Variants in MUSK observed in about 807,000 individuals in gnomAD.
MUSK encodes the protein muscle associated receptor tyrosine kinase.
A neutral mutation model predicts 88.7 loss-of-function variants in MUSK; 55 were observed. That is an observed-to-expected ratio of 0.62 (90% CI 0.50 to 0.78). The LOEUF (loss-of-function observed/expected upper bound fraction) is 0.78. MUSK is among the 30% of genes least tolerant of loss of function. The probability of loss-of-function intolerance (pLI) is 0.00; values close to 1 mark genes in which losing one functional copy is unlikely to be tolerated. For synonymous variants in MUSK, 387 were observed against 391.9 expected (o/e 0.99, Z 0.15); for missense variants, 1,015 against 1,074.3 (o/e 0.94, Z 0.77).
chr9:110,687,234 TG>T lies in MUSK; in HGVS notation c.325del (p.Val109TrpfsTer9). 1 of 1,613,842 alleles carries T rather than the reference TG, an allele frequency of 6.2e-7. No homozygotes were observed. Among genetic ancestry groups the T allele is most frequent in the African/African-American group, 1.3e-5 (1 of 75,032 alleles). Reference protein sequence around the residue: ...CTANNGVGGAVESCGALQVKM... With the variant: ...CTANNGVGGAXESCGALQVKM... ...CGGCCAACAATGGTGTGGGAGGAGC[TG>T]TGGAGAGTTGTGGAGCCCTGCAAGT... On this transcript the variant is annotated frameshift_variant, in exon 3 of 15. Transcript: ENST00000374448. LOFTEE classifies it high-confidence loss of function.
At chr9:110,768,145 G>T in intron 9 of MUSK, 62 bp downstream of exon 9, 1 of 1,486,692 alleles carries the variant, frequency 6.7e-7, no homozygotes, top group Non-Finnish European at 9.1e-7. Context: ...AACAGAAGGA[G>T]TTTTTGAAAA....
At chr9:110,681,313 T>C (rs1480712659) in intron 1 of MUSK, among the ~76,000 whole-genome samples, 1 of 148,426 alleles carries the variant, frequency 6.7e-6, no homozygotes, top group Admixed American at 7.1e-5. Context: ...CTACTATGTT[T>C]CAACTTTTTT....
chr9:110,710,172 A>G (rs1219531958), intron 5 of MUSK, among the ~76,000 whole-genome samples: 1 of 152,096 alleles, frequency 6.6e-6, no homozygotes, highest in Non-Finnish European at 1.5e-5. Flanking sequence ...TCTTTTTAAT[A>G]TTTATGTTGT....
At chr9:110,755,947 TATACAC>T (rs1453815417) in intron 7 of MUSK, among the ~76,000 whole-genome samples, 2 of 86,396 alleles carry the variant, frequency 2.3e-5, no homozygotes, top group South Asian at 4.1e-4. Flanking sequence ...TATATATATA[TATACAC>T]ATATATATAT....
intron 3 of MUSK, among the ~76,000 whole-genome samples, chr9:110,693,052 A>G (rs1034613923): frequency 9.9e-5 from 15 of 152,170 alleles, no homozygotes; most frequent in African/African-American, 3.4e-4. Flanking sequence ...ATCTGCCTAT[A>G]TGCAGGCTTC....
chr9:110,776,984 A>G (rs1365845144), intron 11 of MUSK, among the ~76,000 whole-genome samples: 1 of 152,166 alleles, frequency 6.6e-6, no homozygotes, highest in Non-Finnish European at 1.5e-5. Context: ...TTCTTGATTC[A>G]GTATAATCTA....
At chr9:110,768,751 A>G (rs2077524064) in intron 9 of MUSK, among the ~76,000 whole-genome samples, 9 of 152,196 alleles carry the variant, frequency 5.9e-5, no homozygotes, top group Admixed American at 5.2e-4. Flanking sequence ...TTATTTGTCA[A>G]TAAATGAGAT....
Position 110,747,636 on chromosome 9 carries a change from G to A in MUSK, c.754-5G>A. The A allele has an allele frequency of 6.2e-7, 1 of 1,608,420 alleles. No homozygotes were observed. Among genetic ancestry groups the A allele is most frequent in the South Asian group, 1.1e-5 (1 of 90,766 alleles). ...GAGTTCTTTTATTTTCCTTTACTCTGTCAGGTTTCTTCTGGGTCCATTCAA... is the reference window on the plus strand; with the variant it reads ...GAGTTCTTTTATTTTCCTTTACTCTATCAGGTTTCTTCTGGGTCCATTCAA... On this transcript the variant is annotated splice_polypyrimidine_tract_variant and splice_region_variant and intron_variant, in intron 6 of 14. Transcript: ENST00000374448.
intron 12 of MUSK, 143 bp from the exon 13 acceptor site, chr9:110,785,383 CT>C: frequency 1.4e-6 from 1 of 716,326 alleles, no homozygotes; most frequent in South Asian, 2.8e-5. Context: ...TATTTTATTG[CT>C]CTCAAAACGA....
At chr9:110,776,001 G>A in intron 10 of MUSK, 38 bp downstream of exon 10, 1 of 1,546,464 alleles carries the variant, frequency 6.5e-7, no homozygotes, top group Non-Finnish European at 8.7e-7. Flanking sequence ...GAGGTTAAGA[G>A]AAATTTACTA....
chr9:110,726,827 T>C (rs959689454), intron 5 of MUSK, among the ~76,000 whole-genome samples: 5 of 152,044 alleles, frequency 3.3e-5, no homozygotes, highest in African/African-American at 1.2e-4. Context: ...GAAAGATGTG[T>C]CCAGCCCGAA....
At chr9:110,787,187 C>T (rs978043319) in intron 13 of MUSK, among the ~76,000 whole-genome samples, 4 of 151,790 alleles carry the variant, frequency 2.6e-5, no homozygotes, top group Admixed American at 6.6e-5. Context: ...ACAGTGAAAC[C>T]CTGTCTCTAC....
chr9:110,701,928 C>T (rs77224705), intron 5 of MUSK, among the ~76,000 whole-genome samples: 153 of 134,238 alleles, frequency 1.1e-3, no homozygotes, highest in East Asian at 5.1e-3. Flanking sequence ...TATTTTATTT[C>T]ATAGAGACAG....
At chr9:110,684,266 C>A (rs1339420563) in intron 2 of MUSK, among the ~76,000 whole-genome samples, 1 of 151,844 alleles carries the variant, frequency 6.6e-6, no homozygotes, top group African/African-American at 2.4e-5. Flanking sequence ...GTTCTTGGTA[C>A]CTCTGTCAAA....
At chr9:110,681,071 T>TA (rs1491498779) in intron 1 of MUSK, among the ~76,000 whole-genome samples, 520 of 30,196 alleles carry the variant, frequency 0.017, 81 homozygotes, top group African/African-American at 0.12. Context: ...ATATATAATA[T>TA]TATATATATT....
chr9:110,730,177 T>G (rs2076945018), intron 5 of MUSK, among the ~76,000 whole-genome samples: 1 of 150,918 alleles, frequency 6.6e-6, no homozygotes, highest in African/African-American at 2.4e-5. Context: ...ATAGATCCCA[T>G]GAGAGAAAAC....
At chr9:110,670,745 T>A (rs1301802961) in intron 1 of MUSK, among the ~76,000 whole-genome samples, 4 of 152,134 alleles carry the variant, frequency 2.6e-5, no homozygotes, top group African/African-American at 7.2e-5. Flanking sequence ...AATCAAAAAA[T>A]TTAAGCAATT....
In MUSK at chr9:110,714,437, G is replaced by C. The variant is rs534366008; in HGVS notation, c.628+16971G>C. ...AGCCCTTATTTTGTCCTGGAGAAGA[G>C]AGTCACTGTATTTGAGGATGATGTG... On this transcript the variant is annotated intron_variant, in intron 5 of 14. Coordinates refer to ENST00000374448, the MANE Select transcript of MUSK (RefSeq NM_005592.4). Among the ~76,000 whole-genome samples the C allele has an allele frequency of 3.3e-5, 5 of 152,284 alleles. No individual in the cohort carries two copies. In the South Asian group the frequency reaches 6.2e-4, roughly 19 times the overall value.
intron 9 of MUSK, among the ~76,000 whole-genome samples, chr9:110,773,663 A>T (rs1258676244): frequency 6.6e-6 from 1 of 152,112 alleles, no homozygotes; most frequent in African/African-American, 2.4e-5. Context: ...AAATTCTGTC[A>T]TTGTACATAT....
Sources: gnomAD v4.1 joint callset for allele counts (sites outside exome capture counted in the v4.1 genomes callset) on GRCh38, gnomAD v4.1.1 for gene constraint, MANE v1.5 for transcripts, NCBI Gene and HGNC (gene_info 2026-07-23, HGNC 2026-07-21) for gene names.